Variants in IRAG1 observed in about 807,000 individuals in gnomAD.
The protein encoded by IRAG1 is inositol 1,4,5-triphosphate receptor associated 1, also known as IP3R-associated cGMP kinase substrate.
A neutral mutation model predicts 106.2 loss-of-function variants in IRAG1; 62 were observed. That is an observed-to-expected ratio of 0.58 (90% CI 0.48 to 0.72). The LOEUF (loss-of-function observed/expected upper bound fraction) is 0.72. Ranked by LOEUF, IRAG1 falls within the 30% of genes least tolerant of loss-of-function variation. The probability of loss-of-function intolerance (pLI) is 0.00; values close to 1 mark genes in which losing one functional copy is unlikely to be tolerated. For missense variants in IRAG1, 1,064 were observed against 1,140.7 expected, an observed-to-expected ratio of 0.93 and a Z score of 0.97; for synonymous variants, 462 against 443.9, an observed-to-expected ratio of 1.04 and a Z score of -0.51.
At chr11:10,684,628 TA>T (rs1861526925) in intron 1 of IRAG1, among the ~76,000 whole-genome samples, 1 of 147,796 alleles carries the variant, frequency 6.8e-6, no homozygotes, top group Non-Finnish European at 1.5e-5. Context: ...ATAATAATAA[TA>T]ATAATAATAA....
At chr11:10,643,092 G>A (rs564105837) in intron 2 of IRAG1, among the ~76,000 whole-genome samples, 77 of 139,746 alleles carry the variant, frequency 5.5e-4, no homozygotes, top group African/African-American at 1.9e-3. Flanking sequence ...GGAGAATGGC[G>A]TGAACCCAGG....
intron 1 of IRAG1, among the ~76,000 whole-genome samples, chr11:10,692,067 T>C (rs1469321704): frequency 6.6e-6 from 1 of 152,166 alleles, no homozygotes; most frequent in Non-Finnish European, 1.5e-5. Context: ...TAACCAATCA[T>C]GTAGTAGCAG....
In IRAG1 at chr11:10,628,181, C is replaced by A. The variant is rs991731323; in HGVS notation, c.653-156G>T. 1.4e-5 allele frequency: 11 copies of A among 785,792 alleles called. No individual in the cohort carries two copies. The highest frequency in any genetic ancestry group is 2.2e-5 in the Non-Finnish European group (10 of 451,582). 48.7% of individuals were successfully genotyped at this position (785,792 alleles called of 1,614,324 possible). The stretch of plus-strand genomic sequence containing the variant: ...CCGTGTGCCAGGTTCTCAGGTGGGC[C>A]CTCACAGAATGTTCACAGAGACCAC... On this transcript the variant is annotated intron_variant, in intron 6 of 20. Coordinates refer to ENST00000423302, the MANE Select transcript of IRAG1 (RefSeq NM_130385.4). This position sits in a 1 kb window ranked among gnomAD's most constrained non-coding sequence, Gnocchi z 4.1.
intron 10 of IRAG1, among the ~76,000 whole-genome samples, chr11:10,620,021 T>C (rs540099596): frequency 1.3e-5 from 2 of 152,352 alleles, no homozygotes; most frequent in Non-Finnish European, 2.9e-5. Context: ...TCTAAATTGG[T>C]ATAATTTTGT....
chr11:10,681,480 T>G (rs1314833177), intron 1 of IRAG1, among the ~76,000 whole-genome samples: 2 of 152,250 alleles, frequency 1.3e-5, no homozygotes, highest in Non-Finnish European at 2.9e-5. Context: ...CAATAACAGC[T>G]GACTCTTCAA....
rs779246791 is a variant in IRAG1, at chr11:10,627,958, G to C, written c.705+15C>G. ...TTGGCATAGAAACAGCACAGCAGGT[G>C]GGGGGTCCTGTCACCTGTGGTGGTG... On this transcript the variant is annotated intron_variant, in intron 7 of 20. Coordinates refer to ENST00000423302, the MANE Select transcript of IRAG1 (RefSeq NM_130385.4). The C allele has an allele frequency of 1.3e-6, 2 of 1,599,284 alleles. No homozygotes were observed. Among genetic ancestry groups the C allele is most frequent in the Non-Finnish European group, 1.7e-6 (2 of 1,170,834 alleles).
intron 20 of IRAG1, among the ~76,000 whole-genome samples, chr11:10,578,102 C>G (rs1851013272): frequency 6.6e-6 from 1 of 152,158 alleles, no homozygotes; most frequent in Non-Finnish European, 1.5e-5. Flanking sequence ...GAGGAAGAGA[C>G]CAAGATCTGT....
chr11:10,688,032 A>G (rs370075489), intron 1 of IRAG1, among the ~76,000 whole-genome samples: 23 of 152,074 alleles, frequency 1.5e-4, no homozygotes, highest in African/African-American at 5.5e-4. Context: ...AGCATTTCAG[A>G]TTTTGGATTT....
rs774947422 is a variant in IRAG1 at position 10,659,931 on chromosome 11, T to C, written c.68-7749A>G. Among the ~76,000 whole-genome samples, 1 of 152,182 alleles carries C rather than the reference T, an allele frequency of 6.6e-6. No individual in the cohort carries two copies. The highest frequency in any genetic ancestry group is 1.5e-5 in the Non-Finnish European group (1 of 68,032). On this transcript the variant is annotated intron_variant, in intron 1 of 20. Transcript: ENST00000423302. The surrounding 1 kb of genome is among the most constrained non-coding windows in gnomAD (Gnocchi z 4.1). ...TCAAGAGTGACATGAGTCATCATCC[T>C]GGGGTCAAGGACCACACGGCATTCT...
chr11:10,679,744 G>A, intron 1 of IRAG1, among the ~76,000 whole-genome samples: 1 of 152,230 alleles, frequency 6.6e-6, no homozygotes, highest in East Asian at 1.9e-4. Context: ...ATAGAGTTCT[G>A]TACAACTCCA....
rs970834867 is a variant in IRAG1 at position 10,575,875 on chromosome 11, A to C, written c.*457T>G. ...GGGAAGATAGTCACTTTGCAACTCC[A>C]AATTCCAGGTCTGATGCTTAGGGTG... is the stretch of plus-strand genomic sequence containing the variant. On this transcript the variant is annotated 3_prime_UTR_variant, in exon 21 of 21. Transcript: ENST00000423302. The C allele has an allele frequency of 1.3e-5, 2 of 158,414 alleles. No individual in the cohort carries two copies. The highest frequency in any genetic ancestry group is 4.8e-5 in the African/African-American group (2 of 41,588). 9.8% of individuals were successfully genotyped at this position (158,414 alleles called of 1,614,324 possible).
At chr11:10,644,347 T>C (rs942804841) in intron 2 of IRAG1, among the ~76,000 whole-genome samples, 1 of 152,268 alleles carries the variant, frequency 6.6e-6, no homozygotes, top group African/African-American at 2.4e-5. Flanking sequence ...GCTACCATTA[T>C]CTTGTATACC....
At chr11:10,634,458 TAC>T (rs1489996057) in intron 2 of IRAG1, among the ~76,000 whole-genome samples, 4 of 152,186 alleles carry the variant, frequency 2.6e-5, no homozygotes, top group Non-Finnish European at 5.9e-5. Context: ...CATTATTAAC[TAC>T]AGTCACCGTG....
intron 10 of IRAG1, among the ~76,000 whole-genome samples, chr11:10,617,995 T>C (rs1169607621): frequency 6.6e-6 from 1 of 152,228 alleles, no homozygotes; most frequent in Non-Finnish European, 1.5e-5. Context: ...ACCTGCAGGC[T>C]TCTCTTTCCA....
chr11:10,602,008 T>C (rs972771138), intron 14 of IRAG1, among the ~76,000 whole-genome samples: 21 of 152,206 alleles, frequency 1.4e-4, no homozygotes, highest in African/African-American at 5.1e-4. Flanking sequence ...CCTCAGAGGA[T>C]CTAGCTCAGG....
At chr11:10,590,745 T>C (rs184820033) in intron 18 of IRAG1, among the ~76,000 whole-genome samples, 4,112 of 152,316 alleles carry the variant, frequency 0.027, 77 homozygotes, top group African/African-American at 0.057. Flanking sequence ...GATGAAAAGA[T>C]CTGCAAATTG....
intron 1 of IRAG1, among the ~76,000 whole-genome samples, chr11:10,655,211 A>T (rs1223307411): frequency 1.3e-5 from 2 of 151,790 alleles, no homozygotes; most frequent in Non-Finnish European, 2.9e-5. Context: ...ATGGGAGGTG[A>T]CTATTCCACT....
intron 15 of IRAG1, among the ~76,000 whole-genome samples, chr11:10,597,158 G>A (rs1853410931): frequency 6.6e-6 from 1 of 152,210 alleles, no homozygotes; most frequent in South Asian, 2.1e-4. Context: ...CCCAGAAGAA[G>A]GAGATCTGGA....
chr11:10,586,861 G>A (rs575255561), intron 18 of IRAG1, among the ~76,000 whole-genome samples: 1 of 152,320 alleles, frequency 6.6e-6, no homozygotes, highest in African/African-American at 2.4e-5. Flanking sequence ...CTGGCATACA[G>A]TAGGTGCCTT....
Sources: gnomAD v4.1 joint callset for allele counts (sites outside exome capture counted in the v4.1 genomes callset) on GRCh38, gnomAD v4.1.1 for gene constraint, Gnocchi (gnomAD v3.1) non-coding constraint, MANE v1.5 for transcripts, NCBI Gene and HGNC (gene_info 2026-07-23, HGNC 2026-07-21) for gene names.